PTK2: variants seen among roughly 807,000 people sequenced by gnomAD.
PTK2 encodes protein tyrosine kinase 2.
PTK2 carries 45 observed loss-of-function variants against 150.1 expected under a neutral mutation model. The observed-to-expected ratio is 0.30, with a 90% CI of 0.24 to 0.38. The LOEUF (loss-of-function observed/expected upper bound fraction) is 0.38, where lower values mean the gene tolerates loss of function less well. Ranked by LOEUF, PTK2 falls within the 10% of genes least tolerant of loss-of-function variation. The pLI is 1.00. For synonymous variants in PTK2, 432 were observed against 449.2 expected, an observed-to-expected ratio of 0.96 and a Z score of 0.48; for missense variants, 919 against 1,307.3, an observed-to-expected ratio of 0.70 and a Z score of 4.58.
intron 1 of PTK2, among the ~76,000 whole-genome samples, chr8:140,937,675 G>A (rs1230193149): frequency 6.6e-6 from 1 of 151,708 alleles, no homozygotes; most frequent in Non-Finnish European, 1.5e-5. Context: ...TACATACAGG[G>A]TTTAATGTAA....
chr8:140,659,513 T>C, exon 32 of PTK2: 1 of 1,613,558 alleles, frequency 6.2e-7, no homozygotes, highest in Middle Eastern at 1.8e-4. Flanking sequence ...GCTTGGTCAA[T>C]GACATCGAGT....
intron 2 of PTK2, among the ~76,000 whole-genome samples, chr8:140,924,885 T>A (rs1361521653): frequency 6.6e-6 from 1 of 152,166 alleles, no homozygotes; most frequent in Admixed American, 6.5e-5. Flanking sequence ...TGAGATTAGA[T>A]AAAATCATTA....
intron 10 of PTK2, 33 bp downstream of exon 10, chr8:140,818,244 C>T (rs376617842): frequency 1.5e-5 from 24 of 1,554,846 alleles, no homozygotes; most frequent in African/African-American, 9.5e-5. Context: ...CTTTGTGTAA[C>T]GCCAAGTTCC....
intron 22 of PTK2, among the ~76,000 whole-genome samples, chr8:140,726,863 A>G (rs1432672154): frequency 6.6e-6 from 1 of 152,228 alleles, no homozygotes; most frequent in Non-Finnish European, 1.5e-5. Flanking sequence ...GGTATTTAAG[A>G]TAAAAATCAT....
chr8:140,668,416 G>A, exon 30 of PTK2: 1 of 1,610,032 alleles, frequency 6.2e-7, no homozygotes, highest in Non-Finnish European at 8.5e-7. Flanking sequence ...TGATTTCCTG[G>A]GGCTGAAGCT....
intron 1 of PTK2, among the ~76,000 whole-genome samples, chr8:140,968,383 C>CAAA (rs896030888): frequency 1.3e-5 from 2 of 148,408 alleles, no homozygotes; most frequent in African/African-American, 5.0e-5. Flanking sequence ...TGATCCTGCC[C>CAAA]AAAAAAAAAA....
At chr8:140,816,171 T>G (rs2100104592) in intron 10 of PTK2, among the ~76,000 whole-genome samples, 1 of 152,192 alleles carries the variant, frequency 6.6e-6, no homozygotes, top group Non-Finnish European at 1.5e-5. Flanking sequence ...AAGAATATCT[T>G]CTATGCTCAC....
intron 1 of PTK2, among the ~76,000 whole-genome samples, chr8:140,994,055 C>T (rs999210925): frequency 1.3e-5 from 2 of 152,142 alleles, no homozygotes; most frequent in African/African-American, 4.8e-5. Context: ...TGTCATTTAT[C>T]TGTTTCTGAA....
At chr8:140,913,931 G>A (rs1307132843) in intron 2 of PTK2, among the ~76,000 whole-genome samples, 4 of 152,034 alleles carry the variant, frequency 2.6e-5, no homozygotes, top group Admixed American at 6.6e-5. Context: ...GAATAAGAAC[G>A]TGGAAAATCA....
chr8:140,683,049 T>C (rs951368481), intron 27 of PTK2, among the ~76,000 whole-genome samples: 4 of 151,890 alleles, frequency 2.6e-5, no homozygotes, highest in African/African-American at 9.7e-5. Context: ...ATGCAAAAGA[T>C]AAATGAAACC....
intron 4 of PTK2, among the ~76,000 whole-genome samples, chr8:140,865,441 T>G (rs2154606041): frequency 6.6e-6 from 1 of 152,342 alleles, no homozygotes; most frequent in Non-Finnish European, 1.5e-5. Context: ...TTGTAGGTGT[T>G]CTTTATATAT....
intron 2 of PTK2, among the ~76,000 whole-genome samples, chr8:140,916,560 C>G (rs1481990295): frequency 6.6e-6 from 1 of 152,214 alleles, no homozygotes; most frequent in Non-Finnish European, 1.5e-5. Context: ...TGTCATCTGA[C>G]CTCACCTTCA....
intron 2 of PTK2, among the ~76,000 whole-genome samples, chr8:140,904,043 T>C (rs1167700109): frequency 6.6e-6 from 1 of 152,192 alleles, no homozygotes; most frequent in Non-Finnish European, 1.5e-5. Flanking sequence ...CTATGTTGAA[T>C]AGGAGTGGTG....
chr8:140,907,009 A>G (rs1012062967), intron 2 of PTK2, among the ~76,000 whole-genome samples: 7 of 152,230 alleles, frequency 4.6e-5, no homozygotes, highest in Non-Finnish European at 2.9e-5. Context: ...CTATACTAAG[A>G]ATACCAGTGA....
exon 18 of PTK2, chr8:140,746,849 G>T: frequency 6.2e-7 from 1 of 1,603,162 alleles, no homozygotes; most frequent in Non-Finnish European, 8.5e-7. Context: ...TGGTCAAACT[G>T]ACGCATTGTT....
intron 25 of PTK2, among the ~76,000 whole-genome samples, chr8:140,702,154 G>T (rs1466498276): frequency 3.5e-5 from 4 of 115,256 alleles, no homozygotes; most frequent in African/African-American, 1.3e-4. Context: ...AAAAAAAAAA[G>T]TCATTAAAAT....
intron 2 of PTK2, among the ~76,000 whole-genome samples, chr8:140,892,148 T>C (rs1200974226): frequency 2.6e-5 from 4 of 151,938 alleles, no homozygotes; most frequent in Non-Finnish European, 5.9e-5. Flanking sequence ...GTTGAGGCTA[T>C]AGTGAGCTGT....
chr8:140,793,204 A>G (rs1376211747), intron 13 of PTK2, 150 bp downstream of exon 13: 2 of 897,818 alleles, frequency 2.2e-6, no homozygotes, highest in Non-Finnish European at 3.3e-6. Flanking sequence ...AAAATTTAAA[A>G]CTGACTTGAT....
At chr8:140,927,940 G>GAAAAAAA (rs779534564) in intron 1 of PTK2, among the ~76,000 whole-genome samples, 1 of 36,264 alleles carries the variant, frequency 2.8e-5, no homozygotes, top group Non-Finnish European at 4.8e-5. Context: ...ATCTCAAAAA[G>GAAAAAAA]AAAAAAAAAA....
Sources: gnomAD v4.1 joint callset for allele counts (sites outside exome capture counted in the v4.1 genomes callset) on GRCh38, gnomAD v4.1.1 for gene constraint, MANE v1.5 for transcripts, NCBI Gene and HGNC (gene_info 2026-07-23, HGNC 2026-07-21) for gene names.